The following LINGO2 variants were observed in gnomAD, a reference collection of about 807,000 sequenced individuals.
LINGO2 encodes the protein leucine rich repeat and Ig domain containing 2.
LINGO2 carries 14 observed loss-of-function variants against 30.6 expected under a neutral mutation model. That is an observed-to-expected ratio of 0.46 (90% CI 0.30 to 0.72). The LOEUF (loss-of-function observed/expected upper bound fraction) is 0.72. Ranked by LOEUF, LINGO2 falls within the 30% of genes least tolerant of loss-of-function variation. The pLI is 0.07. For synonymous variants in LINGO2, 317 were observed against 288.5 expected, an observed-to-expected ratio of 1.10 and a Z score of -1.00; for missense variants, 729 against 751.7, an observed-to-expected ratio of 0.97 and a Z score of 0.35.
intron 4 of LINGO2, among the ~76,000 whole-genome samples, chr9:28,184,773 G>A (rs10125355): frequency 0.057 from 8,721 of 152,138 alleles, 376 homozygotes; most frequent in South Asian, 0.15. Flanking sequence ...AAAACTTTCA[G>A]TAAGAAAGCA....
intron 4 of LINGO2, among the ~76,000 whole-genome samples, chr9:28,240,543 A>G (rs1821746026): frequency 6.6e-6 from 1 of 152,186 alleles, no homozygotes; most frequent in South Asian, 2.1e-4. Context: ...ACATTAGTGA[A>G]AAGACAGTCT....
the LINGO2 span, among the ~76,000 whole-genome samples, chr9:28,779,439 T>A: frequency 5.3e-5 from 8 of 152,192 alleles, no homozygotes; most frequent in African/African-American, 1.7e-4. Flanking sequence ...CTGGAGCTAT[T>A]GATGACTTCA....
chr9:28,205,505 C>A (rs1037430648), intron 4 of LINGO2, among the ~76,000 whole-genome samples: 1 of 152,168 alleles, frequency 6.6e-6, no homozygotes, highest in Non-Finnish European at 1.5e-5. Context: ...TAACATATCA[C>A]TGCTGGTTTT....
chr9:28,634,653 C>A (rs60550817), intron 1 of LINGO2, among the ~76,000 whole-genome samples: 15,041 of 151,642 alleles, frequency 0.099, 1,043 homozygotes, highest in Admixed American at 0.24. Flanking sequence ...ACCTGGCTAA[C>A]TTTTGTATTT....
chr9:28,409,692 G>A (rs1416044055), intron 2 of LINGO2, among the ~76,000 whole-genome samples: 1 of 151,370 alleles, frequency 6.6e-6, no homozygotes, highest in Non-Finnish European at 1.5e-5. Context: ...GAGAGCATCA[G>A]GATCACACAC....
chr9:28,002,835 T>C (rs951501341), intron 5 of LINGO2, among the ~76,000 whole-genome samples: 9 of 152,094 alleles, frequency 5.9e-5, no homozygotes, highest in African/African-American at 1.9e-4. Context: ...CGAAACACCA[T>C]AGATGTGCAT....
the LINGO2 span, among the ~76,000 whole-genome samples, chr9:28,802,446 T>G: frequency 1.3e-5 from 2 of 152,060 alleles, no homozygotes; most frequent in African/African-American, 4.8e-5. Context: ...CTACTTTATT[T>G]TATTGCCAAT....
the LINGO2 span, among the ~76,000 whole-genome samples, chr9:29,072,923 G>T: frequency 0.19 from 28,986 of 149,474 alleles, 2,931 homozygotes; most frequent in African/African-American, 0.24. Context: ...GCTCTCTAGC[G>T]CTCTCTCTCT....
At chr9:28,686,541 A>G in the LINGO2 span, among the ~76,000 whole-genome samples, 11 of 152,060 alleles carry the variant, frequency 7.2e-5, no homozygotes, top group African/African-American at 2.7e-4. Flanking sequence ...TTCATAGAGT[A>G]CAATCTTGGA....
the LINGO2 span, among the ~76,000 whole-genome samples, chr9:29,151,307 T>G: frequency 2.6e-5 from 4 of 152,034 alleles, no homozygotes; most frequent in African/African-American, 7.2e-5. Context: ...AAAACACACT[T>G]AAGCACATAG....
chr9:29,108,818 A>G, the LINGO2 span, among the ~76,000 whole-genome samples: 1 of 152,180 alleles, frequency 6.6e-6, no homozygotes, highest in Non-Finnish European at 1.5e-5. Context: ...GGGGTTAGCC[A>G]GGAAATGAAG....
the LINGO2 span, among the ~76,000 whole-genome samples, chr9:28,958,116 A>G: frequency 2.0e-5 from 3 of 152,122 alleles, no homozygotes; most frequent in African/African-American, 7.2e-5. Context: ...ATTCAGTGCA[A>G]TCGTAGTAGC....
intron 4 of LINGO2, among the ~76,000 whole-genome samples, chr9:28,120,118 G>C (rs1827051311): frequency 6.6e-6 from 1 of 152,088 alleles, no homozygotes; most frequent in Admixed American, 6.5e-5. Flanking sequence ...AAACAAACTG[G>C]AAAGAAATAG....
intron 1 of LINGO2, among the ~76,000 whole-genome samples, chr9:28,585,330 C>T (rs887378295): frequency 7.9e-5 from 12 of 151,852 alleles, no homozygotes; most frequent in African/African-American, 2.9e-4. Flanking sequence ...ACTGTGGCTC[C>T]TTAGACTGAG....
the LINGO2 span, among the ~76,000 whole-genome samples, chr9:28,782,663 T>C: frequency 6.6e-6 from 1 of 152,226 alleles, no homozygotes; most frequent in Non-Finnish European, 1.5e-5. Context: ...CTCCTCTTTT[T>C]TCTTTCCAAC....
At chr9:28,282,490 GA>G (rs1383725105) in intron 4 of LINGO2, among the ~76,000 whole-genome samples, 1 of 151,826 alleles carries the variant, frequency 6.6e-6, no homozygotes, top group African/African-American at 2.4e-5. Context: ...TGAAAGATCA[GA>G]TGTAGAAAAC....
chr9:28,666,781 G>A (rs913523188), intron 1 of LINGO2, among the ~76,000 whole-genome samples: 1 of 152,118 alleles, frequency 6.6e-6, no homozygotes, highest in Non-Finnish European at 1.5e-5. Context: ...ATCTGGGATT[G>A]TAACCACTGA....
At chr9:28,088,931 CAG>C (rs1825993890) in intron 4 of LINGO2, among the ~76,000 whole-genome samples, 1 of 152,100 alleles carries the variant, frequency 6.6e-6, no homozygotes, top group Non-Finnish European at 1.5e-5. Flanking sequence ...TCTGATAAAA[CAG>C]ACTTTAAACC....
intron 4 of LINGO2, among the ~76,000 whole-genome samples, chr9:28,157,839 A>G (rs1828177635): frequency 6.6e-6 from 1 of 152,296 alleles, no homozygotes; most frequent in Admixed American, 6.5e-5. Context: ...TCAGTTCCCA[A>G]TAAGTTCCTC....
Sources: gnomAD v4.1 joint callset for allele counts (sites outside exome capture counted in the v4.1 genomes callset) on GRCh38, gnomAD v4.1.1 for gene constraint, MANE v1.5 for transcripts, NCBI Gene and HGNC (gene_info 2026-07-23, HGNC 2026-07-21) for gene names.